ATP2B1: variants seen among roughly 807,000 people sequenced by gnomAD.
The protein encoded by ATP2B1 is ATPase plasma membrane Ca2+ transporting 1, also known as plasma membrane calcium-transporting ATPase 1.
ATP2B1 carries 14 observed loss-of-function variants against 124.2 expected under a neutral mutation model. The ratio of observed to expected loss-of-function variants is 0.11; its 90% CI spans 0.07 to 0.18. ATP2B1 has a LOEUF of 0.18. ATP2B1 is among the 10% of genes least tolerant of loss of function. The probability of loss-of-function intolerance (pLI) is 1.00; values close to 1 mark genes in which losing one functional copy is unlikely to be tolerated. For synonymous variants in ATP2B1, 449 were observed against 492.4 expected, an observed-to-expected ratio of 0.91 and a Z score of 1.17; for missense variants, 763 against 1,466.1, an observed-to-expected ratio of 0.52 and a Z score of 7.83.
At chr12:89,666,296 T>C (rs1887309891) in intron 1 of ATP2B1, among the ~76,000 whole-genome samples, 2 of 152,210 alleles carry the variant, frequency 1.3e-5, no homozygotes, top group Non-Finnish European at 2.9e-5. Context: ...TGGTGATCCT[T>C]CAAACTCTCT....
In ATP2B1 at chr12:89,609,967, T is replaced by G; in HGVS notation, c.2412A>C (p.Ala804=). The change falls in exon 15 of 21, where the codon GCA becomes GCC. Residue 804 remains alanine (A), a synonymous_variant. Coordinates refer to ENST00000428670, the MANE Select transcript of ATP2B1 (RefSeq NM_001366521.1). ...VTGDGTNDGP[A]LKKADVGFAM... is the part of the protein sequence containing the mutation. ...CAAATCCAACATCTGCTTTCTTTAGTGCTGGGCCATCATTTGTACCATCAC... is the reference window on the plus strand; with the variant it reads ...CAAATCCAACATCTGCTTTCTTTAGGGCTGGGCCATCATTTGTACCATCAC... 1 of 1,613,766 alleles carries G rather than the reference T, an allele frequency of 6.2e-7. No homozygotes were observed. Among genetic ancestry groups the G allele is most frequent in the Non-Finnish European group, 8.5e-7 (1 of 1,179,784 alleles).
Position 89,620,152 on chromosome 12 carries a change from T to A in ATP2B1, c.1676A>T (p.Asp559Val), listed in dbSNP as rs1389384326. 5 of 1,614,098 alleles carry A rather than the reference T, an allele frequency of 3.1e-6. No individual in the cohort carries two copies. Among genetic ancestry groups the A allele is most frequent in the Non-Finnish European group, 4.2e-6 (5 of 1,179,986 alleles). ...TATTTCATTTCTAACATCCTGATAA[T>A]CCCGTTTTAAATCCAAAAGAAGTCC... ...LLGLLLDLKRDYQDVRNEIPE... is the reference protein window; with the variant it reads ...LLGLLLDLKRVYQDVRNEIPE... The change falls in exon 11 of 21, where the codon GAT becomes GTT. Residue 559 changes from aspartate (D) to valine (V), a missense_variant. This residue lies in a region of ATP2B1 where 392 missense variants were observed against 776.6 expected (regional missense o/e 0.50). Transcript: ENST00000428670.
chr12:89,648,424 G>A lies in ATP2B1; in HGVS notation c.209-6069C>T, dbSNP rs570343491. 4.6e-5 allele frequency among the ~76,000 whole-genome samples: 7 copies of A among 152,290 alleles called. No individual in the cohort carries two copies. The South Asian group carries it at 1.5e-3, about 32-fold the overall frequency. On this transcript the variant is annotated intron_variant, in intron 2 of 20. Coordinates refer to ENST00000428670, the MANE Select transcript of ATP2B1 (RefSeq NM_001366521.1). ...TATTGTGTCCATGCCTGAGGGATCT[G>A]TGGAAGTTTGAACTTAAGAGTAATG... is the stretch of plus-strand genomic sequence containing the variant.
At chr12:89,691,939 T>C (rs1890600761) in intron 1 of ATP2B1, among the ~76,000 whole-genome samples, 1 of 152,066 alleles carries the variant, frequency 6.6e-6, no homozygotes, top group African/African-American at 2.4e-5. Context: ...ATTAAAGAAT[T>C]TGCCAACTCA....
chr12:89,641,415 A>G (rs1565858905), intron 3 of ATP2B1, among the ~76,000 whole-genome samples: 1 of 152,212 alleles, frequency 6.6e-6, no homozygotes, highest in Non-Finnish European at 1.5e-5. Flanking sequence ...GAATATGTGC[A>G]TATATATAAA....
chr12:89,695,290 A>C (rs1427067815), intron 1 of ATP2B1, among the ~76,000 whole-genome samples: 1 of 152,110 alleles, frequency 6.6e-6, no homozygotes, highest in Non-Finnish European at 1.5e-5. Flanking sequence ...ATCACTGCAC[A>C]AAAAAGGAAA....
chr12:89,694,929 T>C (rs1890958888), intron 1 of ATP2B1, among the ~76,000 whole-genome samples: 1 of 151,776 alleles, frequency 6.6e-6, no homozygotes, highest in Admixed American at 6.6e-5. Flanking sequence ...TGGTGGCACA[T>C]GCCTATAGTC....
intron 20 of ATP2B1, among the ~76,000 whole-genome samples, chr12:89,597,937 T>C (rs1160807616): frequency 6.7e-6 from 1 of 149,366 alleles, no homozygotes; most frequent in Non-Finnish European, 1.5e-5. Context: ...TTTAACTAAA[T>C]TGTCTATACA....
intron 6 of ATP2B1, among the ~76,000 whole-genome samples, chr12:89,629,759 T>G (rs1881551555): frequency 6.6e-6 from 1 of 152,176 alleles, no homozygotes; most frequent in African/African-American, 2.4e-5. Context: ...CGTAAAATGT[T>G]GTCAACCTAA....
chr12:89,596,511 A>G (rs1032954903), intron 20 of ATP2B1, among the ~76,000 whole-genome samples: 1 of 152,170 alleles, frequency 6.6e-6, no homozygotes, highest in African/African-American at 2.4e-5. Flanking sequence ...GTTAGATAAT[A>G]TGGTATCAAT....
At chr12:89,685,409 C>G (rs1233261009) in intron 1 of ATP2B1, among the ~76,000 whole-genome samples, 2 of 152,144 alleles carry the variant, frequency 1.3e-5, no homozygotes, top group African/African-American at 2.4e-5. Flanking sequence ...CTCCCCCATC[C>G]TCAGGACAGT....
chr12:89,627,992 A>G (rs1881170061), intron 6 of ATP2B1, among the ~76,000 whole-genome samples: 1 of 152,208 alleles, frequency 6.6e-6, no homozygotes, highest in African/African-American at 2.4e-5. Context: ...CCTAAATATG[A>G]TACAAAAAGT....
intron 1 of ATP2B1, among the ~76,000 whole-genome samples, chr12:89,690,938 C>T (rs1890487830): frequency 6.6e-6 from 1 of 152,160 alleles, no homozygotes. Flanking sequence ...GCCTCTTGTA[C>T]ATTTTCCATC....
chr12:89,608,778 A>T (rs1877446859), intron 15 of ATP2B1, among the ~76,000 whole-genome samples: 1 of 152,184 alleles, frequency 6.6e-6, no homozygotes, highest in African/African-American at 2.4e-5. Context: ...GCAGTGAGTG[A>T]TCCTATGTTC....
In ATP2B1 at chr12:89,610,116, C is replaced by T. The variant is rs147982443; in HGVS notation, c.2336-73G>A. The stretch of plus-strand genomic sequence containing the variant: ...AAGATGATTCTGAAGAATATCCTGA[C>T]GTCGGTTTTATAGACTCAAGGTTAA... On this transcript the variant is annotated intron_variant, in intron 14 of 20. Coordinates refer to ENST00000428670, the MANE Select transcript of ATP2B1 (RefSeq NM_001366521.1). 6.9e-4 allele frequency: 939 copies of T among 1,370,174 alleles called. 3 individuals are homozygous for T. In the African/African-American group the frequency reaches 0.012, roughly 18 times the overall value. 84.9% of individuals were successfully genotyped at this position (1,370,174 alleles called of 1,614,324 possible).
Position 89,590,892 on chromosome 12 carries a change from G to A in ATP2B1, c.*92C>T. On this transcript the variant is annotated 3_prime_UTR_variant, in exon 21 of 21. Transcript: ENST00000428670. The stretch of plus-strand genomic sequence containing the variant: ...GTCTTCTGTTGAAGTCCAAAGACAA[G>A]AATACTAGCTTGTCCATCACAATAT... 4.1e-6 allele frequency: 5 copies of A among 1,228,808 alleles called. No homozygotes were observed. The highest frequency in any genetic ancestry group is 2.4e-5 in the East Asian group (1 of 42,546). 76.1% of individuals were successfully genotyped at this position (1,228,808 alleles called of 1,614,324 possible).
At chr12:89,672,533 T>C (rs919567334) in intron 1 of ATP2B1, among the ~76,000 whole-genome samples, 1 of 152,230 alleles carries the variant, frequency 6.6e-6, no homozygotes. Context: ...TATTCCTTTC[T>C]TATCTAGCAC....
chr12:89,629,749 C>T (rs968945780), intron 6 of ATP2B1, among the ~76,000 whole-genome samples: 25 of 152,050 alleles, frequency 1.6e-4, no homozygotes, highest in Non-Finnish European at 3.2e-4. Context: ...GCTAAACCAC[C>T]GTAAAATGTT....
At chr12:89,690,444 T>C (rs555468319) in intron 1 of ATP2B1, among the ~76,000 whole-genome samples, 6 of 151,934 alleles carry the variant, frequency 3.9e-5, no homozygotes, top group Non-Finnish European at 7.4e-5. Flanking sequence ...ATATCACAAA[T>C]ACTGTTGTTT....
Sources: gnomAD v4.1 joint callset for allele counts (sites outside exome capture counted in the v4.1 genomes callset) on GRCh38, gnomAD v4.1.1 for gene constraint, gnomAD v4.1.1 regional missense constraint, MANE v1.5 for transcripts, NCBI Gene and HGNC (gene_info 2026-07-23, HGNC 2026-07-21) for gene names.